MRPL10: variants seen among roughly 807,000 people sequenced by gnomAD.
MRPL10 encodes large ribosomal subunit protein uL10m.
A neutral mutation model predicts 19.8 loss-of-function variants in MRPL10; 14 were observed. The ratio of observed to expected loss-of-function variants is 0.71; its 90% CI spans 0.47 to 1.11. The LOEUF is 1.11. Ranked by LOEUF, MRPL10 falls within the 50% of genes least tolerant of loss-of-function variation. MRPL10 has a pLI of 0.00. For missense variants in MRPL10, 318 were observed against 339.6 expected (o/e 0.94, Z 0.50); for synonymous variants, 129 against 139.2 (o/e 0.93, Z 0.52).
In MRPL10 at chr17:47,828,672, T is replaced by G. The variant is rs747919172; in HGVS notation, c.53-2A>C. On this transcript the variant is annotated splice_acceptor_variant, in intron 1 of 4. Transcript: ENST00000351111. LOFTEE classifies it high-confidence loss of function. ...CAGTCTGGAGGGTAGGCAGCCGGCC[T>G]GGGAGGGCATATAGCAACATGGTTA... The G allele has an allele frequency of 1.3e-6, 2 of 1,511,034 alleles. No individual in the cohort carries two copies. Among genetic ancestry groups the G allele is most frequent in the Non-Finnish European group, 1.8e-6 (2 of 1,141,958 alleles). The allele number at this position is 1,511,034 out of a possible 1,614,324, so 93.6% of individuals were successfully genotyped here. A position where few individuals can be genotyped will look rare whatever the true frequency, so the allele number is the denominator to read the frequency against.
chr17:47,828,788 A>C, intron 1 of MRPL10, 118 bp from the exon 2 acceptor site: 1 of 720,506 alleles, frequency 1.4e-6, no homozygotes, highest in Admixed American at 4.2e-5. Flanking sequence ...AGCTAGACTC[A>C]ACACAAGAGT....
Position 47,824,404 on chromosome 17 carries a change from T to C in MRPL10, c.587A>G (p.Lys196Arg). ...LSRQGFINYS[K>R]LPSLPLVQGE... ...CTGCACCAGGGGCAGGCTGGGGAGC[T>C]TGGAGTAGTTGATAAAGCCCTGCCT... is the stretch of plus-strand genomic sequence containing the variant. Residue 196 changes from lysine to arginine, a missense_variant, in exon 5 of 5, where the codon AAG becomes AGG. Coordinates refer to ENST00000351111, the MANE Select transcript of MRPL10 (RefSeq NM_145255.4). 6.3e-7 allele frequency: 1 copy of C among 1,589,862 alleles called. No individual in the cohort carries two copies. Among genetic ancestry groups the C allele is most frequent in the South Asian group, 1.1e-5 (1 of 88,188 alleles).
intron 4 of MRPL10, 143 bp from the exon 5 acceptor site, chr17:47,824,601 C>G (rs2033499893): frequency 1.1e-6 from 1 of 877,736 alleles, no homozygotes; most frequent in African/African-American, 1.7e-5. Flanking sequence ...GTGCCCCACA[C>G]CACACCCACT....
chr17:47,827,582 CT>C (rs2033554026), intron 2 of MRPL10, among the ~76,000 whole-genome samples: 1 of 152,148 alleles, frequency 6.6e-6, no homozygotes, highest in South Asian at 2.1e-4. Context: ...AAATATAACT[CT>C]TTTGCAGTGT....
Position 47,824,098 on chromosome 17 carries a change from G to T in MRPL10, c.*107C>A. ...CAATATCATTACTAGTGAAAACCAA[G>T]TGACAAACACACTCCCCGACCCCAA... On this transcript the variant is annotated 3_prime_UTR_variant, in exon 5 of 5. Transcript: ENST00000351111. The T allele has an allele frequency of 6.9e-7, 1 of 1,458,060 alleles. No homozygotes were observed. The allele number at this position is 1,458,060 out of a possible 1,614,324, so 90.3% of individuals were successfully genotyped here.
chr17:47,824,719 A>G (rs1400963707), intron 4 of MRPL10, among the ~76,000 whole-genome samples: 1 of 152,160 alleles, frequency 6.6e-6, no homozygotes, highest in Non-Finnish European at 1.5e-5. Context: ...TTCCTTGTAA[A>G]TAAGAATCAG....
In MRPL10 at chr17:47,824,050, T is replaced by C; in HGVS notation, c.*155A>G. ...GACATCTGAAATGGAATCCTCTGCA[T>C]CTCCAAGTGGCCCTATACCTGACAA... On this transcript the variant is annotated 3_prime_UTR_variant, in exon 5 of 5. Coordinates refer to ENST00000351111, the MANE Select transcript of MRPL10 (RefSeq NM_145255.4). The C allele has an allele frequency of 1.1e-6, 1 of 887,164 alleles. No individual in the cohort carries two copies. Among genetic ancestry groups the C allele is most frequent in the Middle Eastern group, 3.5e-4 (1 of 2,828 alleles). The allele number at this position is 887,164 out of a possible 1,614,324, so 55.0% of individuals were successfully genotyped here.
Position 47,824,407 on chromosome 17 carries a change from G to A in MRPL10, c.584C>T (p.Ser195Phe). 6.3e-7 allele frequency: 1 copy of A among 1,589,858 alleles called. No homozygotes were observed. The highest frequency in any genetic ancestry group is 8.6e-7 in the Non-Finnish European group (1 of 1,166,992). ...CACCAGGGGCAGGCTGGGGAGCTTG[G>A]AGTAGTTGATAAAGCCCTGCCTGCT... ...ILSRQGFINY[S>F]KLPSLPLVQG... The change falls in exon 5 of 5, where the codon TCC (serine) becomes TTC (phenylalanine). Residue 195 changes from serine to phenylalanine, a missense_variant. Transcript: ENST00000351111.
rs1270442769 is a variant in MRPL10 at position 47,824,489 on chromosome 17, T to C, written c.533-31A>G. On this transcript the variant is annotated intron_variant, in intron 4 of 4. Coordinates refer to ENST00000351111, the MANE Select transcript of MRPL10 (RefSeq NM_145255.4). The stretch of plus-strand genomic sequence containing the variant: ...AGAACACAGGGTCAGTTAGGCTCCT[T>C]GCAGATTGCCTTTCTTCTCTGAAAA... 2.7e-6 allele frequency: 4 copies of C among 1,507,412 alleles called. No individual in the cohort carries two copies. The South Asian group carries it at 5.3e-5, about 20-fold the overall frequency. The allele number at this position is 1,507,412 out of a possible 1,614,324, so 93.4% of individuals were successfully genotyped here.
chr17:47,824,408 A>T lies in MRPL10; in HGVS notation c.583T>A (p.Ser195Thr). The change falls in exon 5 of 5, where the codon TCC becomes ACC. Residue 195 changes from serine to threonine, a missense_variant. By Grantham distance (58) the Ser-to-Thr change is moderately conservative. Transcript: ENST00000351111. The stretch of plus-strand genomic sequence containing the variant: ...ACCAGGGGCAGGCTGGGGAGCTTGG[A>T]GTAGTTGATAAAGCCCTGCCTGCTG... ...ILSRQGFINY[S>T]KLPSLPLVQG... The T allele has an allele frequency of 6.3e-7, 1 of 1,588,676 alleles. No homozygotes were observed. The highest frequency in any genetic ancestry group is 8.6e-7 in the Non-Finnish European group (1 of 1,166,406).
chr17:47,827,971 G>A (rs1202869241), intron 2 of MRPL10, among the ~76,000 whole-genome samples: 32 of 150,290 alleles, frequency 2.1e-4, no homozygotes, highest in East Asian at 1.9e-4. Context: ...TTGGGAGGCC[G>A]AGGCAGGCAG....
rs559642846 is a variant in MRPL10, at chr17:47,827,960, T to A, written c.222+541A>T. On this transcript the variant is annotated intron_variant, in intron 2 of 4. Transcript: ENST00000351111. ...TGGCTCATGCCTGCAATCCCAGCAC[T>A]TTGGGAGGCCGAGGCAGGCAGATCA... Among the ~76,000 whole-genome samples, 46 of 146,458 alleles carry A rather than the reference T, an allele frequency of 3.1e-4. 1 individual carries two copies. The South Asian group carries it at 1.0e-2, about 32-fold the overall frequency.
rs1237477973 is a variant in MRPL10, at chr17:47,824,102, C to A, written c.*103G>T. 91 of 1,499,800 alleles carry A rather than the reference C, an allele frequency of 6.1e-5. 2 individuals are homozygous for A. In the South Asian group the frequency reaches 6.9e-4, roughly 11 times the overall value. 92.9% of individuals were successfully genotyped at this position (1,499,800 alleles called of 1,614,324 possible). A position where few individuals can be genotyped will look rare whatever the true frequency, so the allele number is the denominator to read the frequency against. ...ATCATTACTAGTGAAAACCAAGTGA[C>A]AAACACACTCCCCGACCCCAAGTTC... On this transcript the variant is annotated 3_prime_UTR_variant, in exon 5 of 5. Coordinates refer to ENST00000351111, the MANE Select transcript of MRPL10 (RefSeq NM_145255.4).
intron 1 of MRPL10, among the ~76,000 whole-genome samples, chr17:47,830,341 T>G (rs1302593209): frequency 6.6e-6 from 1 of 152,202 alleles, no homozygotes; most frequent in African/African-American, 2.4e-5. Context: ...CTTCCCACTT[T>G]CAGTCATTTC....
chr17:47,824,731 C>T (rs2033501551), intron 4 of MRPL10, among the ~76,000 whole-genome samples: 1 of 152,154 alleles, frequency 6.6e-6, no homozygotes, highest in Admixed American at 6.5e-5. Flanking sequence ...AAGAATCAGG[C>T]AGCCAGGTGT....
chr17:47,826,557 C>A (rs1335651155), intron 4 of MRPL10, 80 bp downstream of exon 4: 1 of 1,557,498 alleles, frequency 6.4e-7, no homozygotes, highest in Admixed American at 1.8e-5. Context: ...AGAACGTTCA[C>A]GGTTTTACCA....
intron 4 of MRPL10, among the ~76,000 whole-genome samples, chr17:47,824,742 G>T (rs1385971254): frequency 1.3e-5 from 2 of 152,148 alleles, no homozygotes; most frequent in East Asian, 3.9e-4. Flanking sequence ...AGCCAGGTGT[G>T]GTGGCTCATG....
rs780342568 is a variant in MRPL10 at position 47,828,666 on chromosome 17, C to A, written c.57G>T (p.Arg19=). ...AGCGGACAGTCTGGAGGGTAGGCAGCCGGCCTGGGAGGGCATATAGCAACA... is the reference window on the plus strand; with the variant it reads ...AGCGGACAGTCTGGAGGGTAGGCAGACGGCCTGGGAGGGCATATAGCAACA... The part of the protein sequence containing the change: ...LRGGLLPQAG[R]LPTLQTVRYG... Residue 19 remains arginine, a synonymous_variant, in exon 2 of 5, where the codon CGG becomes CGT. Transcript: ENST00000351111. 2.0e-6 allele frequency: 3 copies of A among 1,513,000 alleles called. No homozygotes were observed. The highest frequency in any genetic ancestry group is 8.8e-7 in the Non-Finnish European group (1 of 1,142,208). The allele number at this position is 1,513,000 out of a possible 1,614,324, so 93.7% of individuals were successfully genotyped here. A position where few individuals can be genotyped will look rare whatever the true frequency, so the allele number is the denominator to read the frequency against.
rs770760016 is a variant in MRPL10, at chr17:47,824,449, A to G, written c.542T>C (p.Ile181Thr). Residue 181 changes from isoleucine to threonine, a missense_variant, in exon 5 of 5, where the codon ATT becomes ACT. Physicochemically the swap from Ile to Thr is moderately conservative, Grantham distance 89. Transcript: ENST00000351111. ...VPFLPLLGGCIDDTILSRQGF... is the reference protein window; with the variant it reads ...VPFLPLLGGCTDDTILSRQGF... ...CTGCCTGCTGAGGATGGTGTCATCAATGCAGCCACCTGGAAGAACACAGGG... is the reference window on the plus strand; with the variant it reads ...CTGCCTGCTGAGGATGGTGTCATCAGTGCAGCCACCTGGAAGAACACAGGG... 9 of 1,533,932 alleles carry G rather than the reference A, an allele frequency of 5.9e-6. No homozygotes were observed. In the South Asian group the frequency reaches 7.6e-5, roughly 13 times the overall value.
Sources: gnomAD v4.1 joint callset for allele counts (sites outside exome capture counted in the v4.1 genomes callset) on GRCh38, gnomAD v4.1.1 for gene constraint, MANE v1.5 for transcripts, NCBI Gene and HGNC (gene_info 2026-07-23, HGNC 2026-07-21) for gene names.